KCMF1: variants seen among roughly 807,000 people sequenced by gnomAD.
KCMF1 encodes potassium channel modulatory factor 1.
In KCMF1, 3 loss-of-function variants were observed where a neutral mutation model predicts 41.1. The ratio of observed to expected loss-of-function variants is 0.07; its 90% CI spans 0.03 to 0.19. The LOEUF is 0.19. Among genes scored for constraint, KCMF1 ranks in the 10% least tolerant of loss-of-function variants. The pLI is 1.00. For missense variants in KCMF1, 286 were observed against 488.9 expected (o/e 0.58, Z 3.91); for synonymous variants, 142 against 164.5 (o/e 0.86, Z 1.04).
At chr2:85,016,166 G>C (rs765732999) in intron 1 of KCMF1, among the ~76,000 whole-genome samples, 33 of 152,094 alleles carry the variant, frequency 2.2e-4, no homozygotes, top group Non-Finnish European at 4.3e-4. Context: ...TAAGCTTCCC[G>C]GTTCTCTTTC....
intron 3 of KCMF1, among the ~76,000 whole-genome samples, chr2:85,037,040 C>T (rs1445453145): frequency 4.6e-5 from 6 of 129,336 alleles, no homozygotes; most frequent in Admixed American, 1.7e-4. Context: ...TTGTTGTTTA[C>T]ACTCTGGCAT....
chr2:85,041,866 A>G (rs1468721687), intron 3 of KCMF1, among the ~76,000 whole-genome samples: 1 of 151,170 alleles, frequency 6.6e-6, no homozygotes, highest in Non-Finnish European at 1.5e-5. Context: ...CAGTTTAGCT[A>G]GGTAAGACCA....
At chr2:85,031,452 A>G (rs1675265125) in intron 2 of KCMF1, among the ~76,000 whole-genome samples, 1 of 152,188 alleles carries the variant, frequency 6.6e-6, no homozygotes, top group South Asian at 2.1e-4. Flanking sequence ...TGTTCAGTAG[A>G]AACAGAACTT....
At chr2:85,039,491 T>C (rs990400143) in intron 3 of KCMF1, among the ~76,000 whole-genome samples, 3 of 152,202 alleles carry the variant, frequency 2.0e-5, no homozygotes, top group African/African-American at 7.2e-5. Flanking sequence ...AAGTTCTGTA[T>C]ATTCAGCAGT....
At chr2:84,984,761 G>A (rs1320422285) in intron 1 of KCMF1, among the ~76,000 whole-genome samples, 7 of 152,192 alleles carry the variant, frequency 4.6e-5, no homozygotes, top group African/African-American at 4.8e-5. Context: ...CAGAGGTTGC[G>A]GTGAGCCAAG....
At chr2:85,000,742 T>A (rs1674305136) in intron 1 of KCMF1, among the ~76,000 whole-genome samples, 1 of 151,810 alleles carries the variant, frequency 6.6e-6, no homozygotes, top group African/African-American at 2.4e-5. Context: ...GGTTAAAAAA[T>A]TGAATTAGGT....
At chr2:85,017,073 G>C (rs1391169622) in intron 1 of KCMF1, among the ~76,000 whole-genome samples, 1 of 145,116 alleles carries the variant, frequency 6.9e-6, no homozygotes, top group East Asian at 2.1e-4. Flanking sequence ...GCGGGACTGC[G>C]GACTGCAGTG....
intron 3 of KCMF1, among the ~76,000 whole-genome samples, chr2:85,042,546 C>G (rs1274138624): frequency 6.6e-6 from 1 of 152,184 alleles, no homozygotes; most frequent in Non-Finnish European, 1.5e-5. Context: ...TATCTTTAAC[C>G]TTCTTATTTA....
At chr2:84,988,767 T>C (rs1189187342) in intron 1 of KCMF1, among the ~76,000 whole-genome samples, 1 of 152,236 alleles carries the variant, frequency 6.6e-6, no homozygotes, top group Non-Finnish European at 1.5e-5. Flanking sequence ...CCAAAGCCCA[T>C]GTTCATTCAT....
chr2:85,027,873 T>C lies in KCMF1; in HGVS notation c.17-16T>C. 2 of 1,563,122 alleles carry C rather than the reference T, an allele frequency of 1.3e-6. No homozygotes were observed. Among genetic ancestry groups the C allele is most frequent in the Non-Finnish European group, 1.7e-6 (2 of 1,151,464 alleles). On this transcript the variant is annotated splice_polypyrimidine_tract_variant and intron_variant, in intron 1 of 6. Transcript: ENST00000409785. Reference sequence around the variant, plus strand: ...CCTTTACAACTGGTAACTAAAGATATTTCTTTTTTTTATAGGTGTCAGCTG... The same window carrying C: ...CCTTTACAACTGGTAACTAAAGATACTTCTTTTTTTTATAGGTGTCAGCTG...
intron 1 of KCMF1, among the ~76,000 whole-genome samples, chr2:85,008,381 T>TATGATATATATTATATATCATATTA (rs369479422): frequency 1.6e-4 from 3 of 19,070 alleles, no homozygotes; most frequent in African/African-American, 3.2e-4. Context: ...ATATGATATA[T>TATGATATATATTATATATCATATTA]TATATATGAT....
chr2:84,973,723 G>A (rs551000558), intron 1 of KCMF1, among the ~76,000 whole-genome samples: 1 of 152,012 alleles, frequency 6.6e-6, no homozygotes, highest in Non-Finnish European at 1.5e-5. Context: ...ACAGTGTTTG[G>A]CACCCTTGCT....
intron 1 of KCMF1, among the ~76,000 whole-genome samples, chr2:84,998,370 T>C (rs184307707): frequency 1.3e-5 from 2 of 152,072 alleles, no homozygotes; most frequent in East Asian, 3.9e-4. Context: ...GCTGGGATTA[T>C]AGGCATGAGC....
intron 1 of KCMF1, among the ~76,000 whole-genome samples, chr2:84,997,316 C>T (rs1034510582): frequency 6.6e-6 from 1 of 151,904 alleles, no homozygotes; most frequent in Non-Finnish European, 1.5e-5. Context: ...TTGGCTTATA[C>T]GTAGTGTCTT....
At chr2:84,978,206 A>G (rs932007414) in intron 1 of KCMF1, among the ~76,000 whole-genome samples, 1 of 152,102 alleles carries the variant, frequency 6.6e-6, no homozygotes, top group African/African-American at 2.4e-5. Flanking sequence ...CATGTTAGTC[A>G]GGCTGGTCTT....
chr2:84,984,823 CAAAA>C (rs150591689), intron 1 of KCMF1, among the ~76,000 whole-genome samples: 1,612 of 152,018 alleles, frequency 0.011, 27 homozygotes, highest in African/African-American at 0.037. Context: ...AACTCTGTCT[CAAAA>C]AGAAAGAAAG....
rs34687477 is a variant in KCMF1 at position 84,982,389 on chromosome 2, C to CTTTT, written c.16+10952_16+10955dup. ...GAGTTACAGATGTGTTCCTTATTTT[C>CTTTT]TTTTTTTTTTTTTTTTTTTTTTTTT... On this transcript the variant is annotated intron_variant, in intron 1 of 6. Transcript: ENST00000409785. Among the ~76,000 whole-genome samples, 287 of 47,264 alleles carry CTTTT rather than the reference C, an allele frequency of 6.1e-3. 46 individuals are homozygous for CTTTT. The highest frequency in any genetic ancestry group is 9.0e-3 in the East Asian group (11 of 1,224). 31.0% of individuals were successfully genotyped at this position (47,264 alleles called of 152,430 possible).
chr2:85,033,896 T>G (rs760912442), intron 2 of KCMF1, among the ~76,000 whole-genome samples: 1 of 151,980 alleles, frequency 6.6e-6, no homozygotes, highest in Non-Finnish European at 1.5e-5. Context: ...AAATATTTTG[T>G]GACAGGCCAG....
At position 85,022,292 on chromosome 2, in the gene KCMF1, C is replaced by T. The variant is rs536285298; in HGVS notation, c.17-5597C>T. Among the ~76,000 whole-genome samples the T allele has an allele frequency of 2.5e-3, 378 of 151,828 alleles. 3 individuals are homozygous for T. Among genetic ancestry groups the T allele is most frequent in the African/African-American group, 8.8e-3 (366 of 41,370 alleles). On this transcript the variant is annotated intron_variant, in intron 1 of 6. Transcript: ENST00000409785. The stretch of plus-strand genomic sequence containing the variant: ...TTTGAGACCAGTCTGGGCAACTTGG[C>T]GAAATCCCATCTCTACAAAAAAAAT...
Sources: gnomAD v4.1 joint callset for allele counts (sites outside exome capture counted in the v4.1 genomes callset) on GRCh38, gnomAD v4.1.1 for gene constraint, MANE v1.5 for transcripts, NCBI Gene and HGNC (gene_info 2026-07-23, HGNC 2026-07-21) for gene names.